Variants in ST6GALNAC3 observed in about 807,000 individuals in gnomAD.
The protein encoded by ST6GALNAC3 is alpha-N-acetylgalactosaminide alpha-2,6-sialyltransferase 3.
In ST6GALNAC3, 25 loss-of-function variants were observed where a neutral mutation model predicts 32.7. That is an observed-to-expected ratio of 0.76 (90% confidence interval 0.56 to 1.07). ST6GALNAC3 has a LOEUF of 1.07. Ranked by LOEUF, ST6GALNAC3 falls within the 50% of genes least tolerant of loss-of-function variation. The pLI is 0.00. For synonymous variants in ST6GALNAC3, 129 were observed against 133.1 expected (o/e 0.97, Z 0.21); for missense variants, 355 against 382.4 (o/e 0.93, Z 0.60).
At chr1:76,125,668 A>G (rs1649195136) in intron 1 of ST6GALNAC3, among the ~76,000 whole-genome samples, 1 of 152,188 alleles carries the variant, frequency 6.6e-6, no homozygotes, top group East Asian at 1.9e-4. Flanking sequence ...TGTGTTTCCC[A>G]TCAGCAGACA....
At chr1:76,569,239 G>A (rs973787955) in intron 3 of ST6GALNAC3, among the ~76,000 whole-genome samples, 23 of 152,010 alleles carry the variant, frequency 1.5e-4, no homozygotes, top group Non-Finnish European at 2.8e-4. Context: ...TTCTAATTAC[G>A]TTTTCTTTCC....
At chr1:76,096,058 T>C (rs1210339960) in intron 1 of ST6GALNAC3, among the ~76,000 whole-genome samples, 2 of 152,222 alleles carry the variant, frequency 1.3e-5, no homozygotes, top group Admixed American at 6.5e-5. Flanking sequence ...GAGCTGGCTC[T>C]GCTGGTGGTG....
chr1:76,442,211 G>A (rs1407834627), intron 3 of ST6GALNAC3, among the ~76,000 whole-genome samples: 1 of 152,040 alleles, frequency 6.6e-6, no homozygotes, highest in Non-Finnish European at 1.5e-5. Flanking sequence ...TCTAAATTTT[G>A]CCACCTGAAG....
chr1:76,361,988 A>AT (rs756118973), intron 2 of ST6GALNAC3, among the ~76,000 whole-genome samples: 1,820 of 125,192 alleles, frequency 0.015, 28 homozygotes, highest in African/African-American at 0.03. Context: ...AAAAAAAAAA[A>AT]AAAAAGAGAG....
chr1:76,386,686 C>G (rs1652121379), intron 2 of ST6GALNAC3, among the ~76,000 whole-genome samples: 1 of 152,034 alleles, frequency 6.6e-6, no homozygotes. Flanking sequence ...AAACCTAGAC[C>G]CCAACATTCC....
At chr1:76,513,982 C>G (rs866462770) in intron 3 of ST6GALNAC3, among the ~76,000 whole-genome samples, 17 of 152,222 alleles carry the variant, frequency 1.1e-4, no homozygotes, top group African/African-American at 3.6e-4. Context: ...TACAGAAATG[C>G]TACTGATTTT....
chr1:76,562,699 C>T (rs1451354039), intron 3 of ST6GALNAC3, among the ~76,000 whole-genome samples: 2 of 152,098 alleles, frequency 1.3e-5, no homozygotes, highest in Non-Finnish European at 2.9e-5. Flanking sequence ...TTTCATTGTG[C>T]CTTGTAAAAG....
chr1:76,532,969 G>A (rs1366788341), intron 3 of ST6GALNAC3, among the ~76,000 whole-genome samples: 1 of 152,110 alleles, frequency 6.6e-6, no homozygotes, highest in Non-Finnish European at 1.5e-5. Context: ...GGGCATAGAG[G>A]TGGCAGGGGT....
intron 3 of ST6GALNAC3, among the ~76,000 whole-genome samples, chr1:76,601,583 G>A (rs1647239288): frequency 6.6e-6 from 1 of 152,188 alleles, no homozygotes; most frequent in Non-Finnish European, 1.5e-5. Context: ...CTGGCCTGAA[G>A]CTAAATTCCA....
chr1:76,522,708 A>G (rs946106995), intron 3 of ST6GALNAC3, among the ~76,000 whole-genome samples: 15 of 152,268 alleles, frequency 9.9e-5, no homozygotes, highest in Admixed American at 9.2e-4. Context: ...TTTTTCTTCC[A>G]TGTTTCCAAT....
intron 3 of ST6GALNAC3, among the ~76,000 whole-genome samples, chr1:76,512,857 G>A (rs1490529476): frequency 6.6e-6 from 1 of 152,084 alleles, no homozygotes; most frequent in Non-Finnish European, 1.5e-5. Flanking sequence ...GGAGCAAGGT[G>A]ATGATATCGC....
At chr1:76,113,700 T>C (rs556634980) in intron 1 of ST6GALNAC3, among the ~76,000 whole-genome samples, 1 of 152,334 alleles carries the variant, frequency 6.6e-6, no homozygotes, top group Non-Finnish European at 1.5e-5. Flanking sequence ...TTCTTAGTTT[T>C]ATCTGTGGCC....
chr1:76,623,448 C>G (rs1347432578), intron 3 of ST6GALNAC3, among the ~76,000 whole-genome samples: 2 of 151,822 alleles, frequency 1.3e-5, no homozygotes, highest in East Asian at 3.9e-4. Flanking sequence ...CTTATCATCC[C>G]TGTGGGAATC....
Position 76,631,966 on chromosome 1 carries a change from A to C in ST6GALNAC3, c.*3160A>C, listed in dbSNP as rs932776147. On this transcript the variant is annotated 3_prime_UTR_variant, in exon 5 of 5. Coordinates refer to ENST00000328299, the MANE Select transcript of ST6GALNAC3 (RefSeq NM_152996.4). The stretch of plus-strand genomic sequence containing the variant: ...AATAAGAAACCTTTTAGAGTATATG[A>C]TTTTACATTGCTATCAAACCTATCA... 9 of 152,076 alleles carry C rather than the reference A, an allele frequency of 5.9e-5. No homozygotes were observed. Among genetic ancestry groups the C allele is most frequent in the Admixed American group, 5.9e-4 (9 of 15,252 alleles). 9.4% of individuals were successfully genotyped at this position (152,076 alleles called of 1,614,324 possible). A position where few individuals can be genotyped will look rare whatever the true frequency, so the allele number is the denominator to read the frequency against.
chr1:76,247,570 A>G (rs1657344277), intron 1 of ST6GALNAC3, among the ~76,000 whole-genome samples: 1 of 152,132 alleles, frequency 6.6e-6, no homozygotes, highest in Non-Finnish European at 1.5e-5. Flanking sequence ...CTGCTTTGCC[A>G]TGCTGTGGTG....
chr1:76,191,439 C>T lies in ST6GALNAC3; in HGVS notation c.18+116555C>T, dbSNP rs150533103. On this transcript the variant is annotated intron_variant, in intron 1 of 4. Transcript: ENST00000328299. ...TACAAAGTTACAATTAGGAAGACTG[C>T]GTTCCGGTGTTCTATTGTACAGAAG... 3.8e-3 allele frequency among the ~76,000 whole-genome samples: 583 copies of T among 152,130 alleles called. 5 individuals are homozygous for T. Among genetic ancestry groups the T allele is most frequent in the African/African-American group, 0.013 (535 of 41,506 alleles).
Position 76,423,382 on chromosome 1 carries a change from A to G in ST6GALNAC3, c.623+10965A>G, listed in dbSNP as rs545812621. On this transcript the variant is annotated intron_variant, in intron 3 of 4. Coordinates refer to ENST00000328299, the MANE Select transcript of ST6GALNAC3 (RefSeq NM_152996.4). ...GATTGGCATTGCTGAAAAGAAAGGA[A>G]TATTATGACCAAAGCCAAGCGTTCT... Among the ~76,000 whole-genome samples the G allele has an allele frequency of 4.6e-5, 7 of 152,134 alleles. No homozygotes were observed. The South Asian group carries it at 1.5e-3, about 32-fold the overall frequency.
intron 1 of ST6GALNAC3, among the ~76,000 whole-genome samples, chr1:76,214,484 A>G (rs1327710703): frequency 6.6e-6 from 1 of 152,194 alleles, no homozygotes; most frequent in Non-Finnish European, 1.5e-5. Flanking sequence ...AAAAGGTTCT[A>G]GAACAAATTA....
At chr1:76,373,188 G>T (rs1306254286) in intron 2 of ST6GALNAC3, among the ~76,000 whole-genome samples, 2 of 152,128 alleles carry the variant, frequency 1.3e-5, no homozygotes, top group Non-Finnish European at 2.9e-5. Flanking sequence ...CTTTGAAGTA[G>T]CATCATTTGT....
Sources: allele counts gnomAD v4.1 joint callset (sites outside exome capture counted in the v4.1 genomes callset), GRCh38; gene constraint gnomAD v4.1.1; transcripts MANE v1.5; gene names NCBI Gene and HGNC (gene_info 2026-07-23, HGNC 2026-07-21).